GALNT14: variants seen among roughly 807,000 people sequenced by gnomAD.
GALNT14 encodes the protein UDP-GalNAc:polypeptide N-acetylgalactosaminyltransferase 14.
GALNT14 carries 60 observed loss-of-function variants against 77.5 expected under a neutral mutation model. The observed-to-expected ratio is 0.77, with a 90% confidence interval of 0.63 to 0.96. GALNT14 has a LOEUF of 0.96. GALNT14 is among the 40% of genes least tolerant of loss of function. The pLI, the probability that GALNT14 is intolerant of heterozygous loss-of-function variation, is 0.00. For missense variants in GALNT14, 710 were observed against 731.0 expected (o/e 0.97, Z 0.33); for synonymous variants, 280 against 281.7 (o/e 0.99, Z 0.06).
chr2:31,084,897 C>T (rs1295767990), intron 1 of GALNT14, among the ~76,000 whole-genome samples: 1 of 152,038 alleles, frequency 6.6e-6, no homozygotes, highest in African/African-American at 2.4e-5. Context: ...TGGTGGCATG[C>T]ACCTGTAATC....
intron 3 of GALNT14, among the ~76,000 whole-genome samples, chr2:30,963,198 G>C (rs72855216): frequency 0.04 from 6,113 of 152,152 alleles, 143 homozygotes; most frequent in South Asian, 0.096. Flanking sequence ...GCTGATGGGC[G>C]CCAAGAACCC....
At chr2:31,070,038 C>G (rs1328600733) in intron 1 of GALNT14, among the ~76,000 whole-genome samples, 6 of 152,150 alleles carry the variant, frequency 3.9e-5, no homozygotes, top group Non-Finnish European at 8.8e-5. Flanking sequence ...TACCCCCACC[C>G]TCCGAGTCCC....
At chr2:31,041,455 A>AG (rs1334970354) in intron 1 of GALNT14, among the ~76,000 whole-genome samples, 1 of 152,126 alleles carries the variant, frequency 6.6e-6, no homozygotes, top group African/African-American at 2.4e-5. Flanking sequence ...ACTGCAGGCC[A>AG]GGGGAGATGA....
chr2:31,127,853 A>AAGTGG (rs1333412964), intron 1 of GALNT14, among the ~76,000 whole-genome samples: 3 of 152,240 alleles, frequency 2.0e-5, no homozygotes, highest in African/African-American at 7.2e-5. Context: ...CAGGGCTTCC[A>AAGTGG]AGTGGAGAGG....
At chr2:30,914,104 C>T (rs1664530154) in intron 13 of GALNT14, among the ~76,000 whole-genome samples, 1 of 152,206 alleles carries the variant, frequency 6.6e-6, no homozygotes. Context: ...TTATTGAGCG[C>T]TTATGATGTG....
In GALNT14 at chr2:31,007,548, C is replaced by T. The variant is rs144622693; in HGVS notation, c.130-14541G>A. ...GATGTAAGGTGTTAGAGTGACATTT[C>T]GAATGTCTCCCACATGAATCCAACT... On this transcript the variant is annotated intron_variant, in intron 1 of 14. Transcript: ENST00000349752. 2.0e-3 allele frequency among the ~76,000 whole-genome samples: 304 copies of T among 152,280 alleles called. 1 individual carries two copies. The highest frequency in any genetic ancestry group is 7.1e-3 in the African/African-American group (296 of 41,540).
chr2:31,050,075 G>C (rs893869159), intron 1 of GALNT14, among the ~76,000 whole-genome samples: 1 of 152,028 alleles, frequency 6.6e-6, no homozygotes. Flanking sequence ...CTGGCCACTC[G>C]GGGCTTTGGT....
intron 1 of GALNT14, among the ~76,000 whole-genome samples, chr2:31,077,020 G>A (rs113165869): frequency 6.6e-6 from 1 of 152,158 alleles, no homozygotes; most frequent in African/African-American, 2.4e-5. Context: ...AATGATTACT[G>A]TTGCTATTTA....
chr2:30,927,954 T>C (rs1373718835), intron 11 of GALNT14, among the ~76,000 whole-genome samples: 1 of 152,110 alleles, frequency 6.6e-6, no homozygotes, highest in Non-Finnish European at 1.5e-5. Context: ...CTGGATGAAC[T>C]GTGGGGATGG....
chr2:31,034,641 G>C (rs538861148), intron 1 of GALNT14, among the ~76,000 whole-genome samples: 19 of 151,954 alleles, frequency 1.3e-4, no homozygotes, highest in African/African-American at 4.3e-4. Flanking sequence ...ATTTAGTTTA[G>C]TTTGCTCTTC....
In GALNT14 at chr2:31,092,264, C is replaced by CATAT. The variant is rs34314257; in HGVS notation, c.129+45690_129+45693dup. Among the ~76,000 whole-genome samples, 386 of 147,246 alleles carry CATAT rather than the reference C, an allele frequency of 2.6e-3. 2 individuals carry two copies. The highest frequency in any genetic ancestry group is 7.3e-3 in the South Asian group (33 of 4,510). On this transcript the variant is annotated intron_variant, in intron 1 of 14. Coordinates refer to ENST00000349752, the MANE Select transcript of GALNT14 (RefSeq NM_024572.4). ...CAATTTTCCTTAATAAACTCCCCTT[C>CATAT]ATATATATATATATATATATCTCCT...
intron 1 of GALNT14, among the ~76,000 whole-genome samples, chr2:31,082,473 C>T (rs1320887248): frequency 1.3e-5 from 2 of 152,312 alleles, no homozygotes; most frequent in African/African-American, 4.8e-5. Flanking sequence ...AAGGCAGATG[C>T]TTGGAGAAAG....
intron 1 of GALNT14, among the ~76,000 whole-genome samples, chr2:31,137,026 C>A (rs1230980423): frequency 6.6e-6 from 1 of 152,206 alleles, no homozygotes; most frequent in Non-Finnish European, 1.5e-5. Flanking sequence ...ATAAAGACTG[C>A]CTGGCTGGCC....
chr2:30,983,482 C>G (rs1485616559), intron 2 of GALNT14, among the ~76,000 whole-genome samples: 1 of 152,112 alleles, frequency 6.6e-6, no homozygotes, highest in African/African-American at 2.4e-5. Context: ...GCCTCATTCC[C>G]CAGGTAATGT....
At chr2:30,922,156 G>A (rs1252262393) in intron 13 of GALNT14, among the ~76,000 whole-genome samples, 1 of 152,070 alleles carries the variant, frequency 6.6e-6, no homozygotes, top group African/African-American at 2.4e-5. Flanking sequence ...AGATGCTCAT[G>A]GCTATCTGTT....
intron 1 of GALNT14, among the ~76,000 whole-genome samples, chr2:31,115,242 C>T (rs1293720812): frequency 6.6e-6 from 1 of 151,804 alleles, no homozygotes; most frequent in African/African-American, 2.4e-5. Flanking sequence ...CAGAGCAAGA[C>T]CCTGTTTCAA....
chr2:30,895,583 C>T, the GALNT14 span, among the ~76,000 whole-genome samples: 1 of 152,212 alleles, frequency 6.6e-6, no homozygotes, highest in African/African-American at 2.4e-5. Context: ...AATCACGCTA[C>T]TCAAAGGTAG....
At chr2:31,077,933 G>A (rs2194470) in intron 1 of GALNT14, among the ~76,000 whole-genome samples, 59,303 of 151,896 alleles carry the variant, frequency 0.39, 12,207 homozygotes, top group Middle Eastern at 0.45. Context: ...GGAATGTATA[G>A]TAGGTTACAA....
At chr2:31,080,165 T>C (rs932711393) in intron 1 of GALNT14, among the ~76,000 whole-genome samples, 2 of 152,174 alleles carry the variant, frequency 1.3e-5, no homozygotes, top group African/African-American at 4.8e-5. Context: ...GTAACTCAAG[T>C]GGGTCTGGCC....
Sources: gnomAD v4.1 joint callset for allele counts (sites outside exome capture counted in the v4.1 genomes callset) on GRCh38, gnomAD v4.1.1 for gene constraint, MANE v1.5 for transcripts, NCBI Gene and HGNC (gene_info 2026-07-23, HGNC 2026-07-21) for gene names.